Variants in NDUFAF6 observed in about 807,000 individuals in gnomAD.
The protein encoded by NDUFAF6 is NADH dehydrogenase (ubiquinone) complex I, assembly factor 6.
In NDUFAF6, 45 loss-of-function variants were observed where a neutral mutation model predicts 40.8. That is an observed-to-expected ratio of 1.10 (90% CI 0.87 to 1.42). The LOEUF (loss-of-function observed/expected upper bound fraction) is 1.42. Ranked by LOEUF, NDUFAF6 falls within the 40% of genes most tolerant of loss-of-function variation. NDUFAF6 has a pLI of 0.00. For missense variants in NDUFAF6, 435 were observed against 418.5 expected (o/e 1.04, Z -0.34); for synonymous variants, 185 against 155.9 (o/e 1.19, Z -1.39).
chr8:94,910,869 T>C (rs1818734999), intron 1 of NDUFAF6, among the ~76,000 whole-genome samples: 1 of 70,594 alleles, frequency 1.4e-5, no homozygotes, highest in Non-Finnish European at 3.1e-5. Context: ...AAAGTATGGT[T>C]CATCTATAGT....
At chr8:94,946,976 A>G (rs1470592087) in intron 2 of NDUFAF6, among the ~76,000 whole-genome samples, 2 of 152,164 alleles carry the variant, frequency 1.3e-5, no homozygotes, top group African/African-American at 4.8e-5. Flanking sequence ...TTATCCATAA[A>G]ATGTCTACTT....
chr8:95,031,516 G>A (rs1828837185), intron 1 of NDUFAF6, among the ~76,000 whole-genome samples: 1 of 152,174 alleles, frequency 6.6e-6, no homozygotes, highest in Non-Finnish European at 1.5e-5. Flanking sequence ...GAGATTAGGT[G>A]GCATTGGGGT....
intron 8 of NDUFAF6, among the ~76,000 whole-genome samples, chr8:95,054,436 CTT>C (rs59359540): frequency 2.0e-3 from 270 of 132,108 alleles, no homozygotes; most frequent in Middle Eastern, 3.9e-3. Context: ...TCAGCTTCTG[CTT>C]TTTTTTTTTT....
intron 1 of NDUFAF6, chr8:94,929,422 A>G (rs1820179803): frequency 6.6e-6 from 1 of 152,104 alleles, no homozygotes; most frequent in African/African-American, 2.4e-5. Flanking sequence ...GGCAATTAAA[A>G]AAAAAAAAAG....
intron 1 of NDUFAF6, among the ~76,000 whole-genome samples, chr8:94,916,036 A>G (rs545343897): frequency 6.6e-6 from 1 of 152,294 alleles, no homozygotes; most frequent in African/African-American, 2.4e-5. Context: ...AAGCTAGGAG[A>G]GGCCATTGAA....
chr8:94,909,170 A>G (rs555175121), intron 1 of NDUFAF6, among the ~76,000 whole-genome samples: 1 of 151,744 alleles, frequency 6.6e-6, no homozygotes, highest in Non-Finnish European at 1.5e-5. Flanking sequence ...ACATGGCGAA[A>G]CCCCATCTCT....
chr8:95,070,638 T>TCA (rs1262296102), intron 9 of NDUFAF6, among the ~76,000 whole-genome samples: 1 of 152,106 alleles, frequency 6.6e-6, no homozygotes, highest in African/African-American at 2.4e-5. Flanking sequence ...AAAACAAAAA[T>TCA]CACATAAAAA....
intron 1 of NDUFAF6, among the ~76,000 whole-genome samples, chr8:94,977,314 C>T (rs2131561742): frequency 6.6e-6 from 1 of 151,908 alleles, no homozygotes; most frequent in South Asian, 2.1e-4. Flanking sequence ...AAGTACAAGA[C>T]CAGCCTGGAC....
At chr8:94,981,274 A>G (rs1825422378) in intron 2 of NDUFAF6, among the ~76,000 whole-genome samples, 1 of 152,158 alleles carries the variant, frequency 6.6e-6, no homozygotes, top group South Asian at 2.1e-4. Context: ...TTGCCCGTCC[A>G]CTTTTCTGCC....
chr8:95,114,736 G>A (rs1403543055), intron 4 of NDUFAF6, among the ~76,000 whole-genome samples: 7 of 152,044 alleles, frequency 4.6e-5, no homozygotes, highest in Non-Finnish European at 1.0e-4. Flanking sequence ...TTCTTTCTGT[G>A]AGATTAAAAT....
intron 1 of NDUFAF6, among the ~76,000 whole-genome samples, chr8:94,972,499 A>G (rs1036979837): frequency 1.5e-4 from 23 of 152,202 alleles, no homozygotes; most frequent in Non-Finnish European, 7.3e-5. Flanking sequence ...TCAACCTCCC[A>G]AAGTGCTGGG....
chr8:94,954,260 A>C (rs577329082), upstream of NDUFAF6, among the ~76,000 whole-genome samples: 1 of 152,180 alleles, frequency 6.6e-6, no homozygotes, highest in African/African-American at 2.4e-5. Context: ...ACAGGGTTTC[A>C]CCATGTTGGC....
intron 2 of NDUFAF6, among the ~76,000 whole-genome samples, chr8:95,016,970 G>A (rs1225541508): frequency 8.1e-6 from 1 of 123,866 alleles, no homozygotes; most frequent in East Asian, 2.4e-4. Context: ...GTCTTGCTCT[G>A]TTGCCCAGGC....
intron 2 of NDUFAF6, among the ~76,000 whole-genome samples, chr8:94,985,466 A>ATT (rs1436485600): frequency 4.8e-5 from 3 of 62,322 alleles, no homozygotes; most frequent in Non-Finnish European, 9.4e-5. Flanking sequence ...AAAAACAATA[A>ATT]TTATATATAT....
At chr8:95,097,113 G>A (rs1809490866), upstream of NDUFAF6, among the ~76,000 whole-genome samples, 1 of 152,174 alleles carries the variant, frequency 6.6e-6, no homozygotes, top group African/African-American at 2.4e-5. Flanking sequence ...ATCTCTGGCT[G>A]GAAATGTACA....
intron 2 of NDUFAF6, among the ~76,000 whole-genome samples, chr8:94,952,337 G>A (rs760913164): frequency 6.6e-5 from 10 of 152,174 alleles, no homozygotes; most frequent in Non-Finnish European, 1.5e-4. Flanking sequence ...GGCTACTTGG[G>A]GCAGCCTCAG....
intron 2 of NDUFAF6, among the ~76,000 whole-genome samples, chr8:95,095,232 GCA>G (rs1269667727): frequency 2.6e-5 from 4 of 152,198 alleles, no homozygotes; most frequent in Admixed American, 2.6e-4. Flanking sequence ...TGATTAATTT[GCA>G]CAGTGTGCCT....
chr8:95,081,302 C>T (rs1808860084), intron 2 of NDUFAF6, among the ~76,000 whole-genome samples: 1 of 151,596 alleles, frequency 6.6e-6, no homozygotes, highest in African/African-American at 2.4e-5. Flanking sequence ...CCTCTGGAGC[C>T]GTTGGGACTA....
chr8:94,991,990 C>T (rs1369315751), intron 2 of NDUFAF6, among the ~76,000 whole-genome samples: 1 of 152,148 alleles, frequency 6.6e-6, no homozygotes, highest in Admixed American at 6.5e-5. Context: ...AGGGTTTATA[C>T]ATTTGAAGTT....
Sources: allele counts gnomAD v4.1 joint callset (sites outside exome capture counted in the v4.1 genomes callset), GRCh38; gene constraint gnomAD v4.1.1; transcripts MANE v1.5; gene names NCBI Gene and HGNC (gene_info 2026-07-23, HGNC 2026-07-21).